Variants in ODAD2 observed in about 807,000 individuals in gnomAD.
ODAD2 encodes outer dynein arm docking complex subunit 2.
A neutral mutation model predicts 106.8 loss-of-function variants in ODAD2; 89 were observed. The observed-to-expected ratio is 0.83, with a 90% CI of 0.70 to 0.99. The LOEUF is 0.99. Ranked by LOEUF, ODAD2 falls within the 50% of genes least tolerant of loss-of-function variation. The probability of loss-of-function intolerance (pLI) is 0.00; values close to 1 mark genes in which losing one functional copy is unlikely to be tolerated. For missense variants in ODAD2, 1,168 were observed against 1,238.5 expected (o/e 0.94, Z 0.85); for synonymous variants, 404 against 436.2 (o/e 0.93, Z 0.92).
chr10:27,817,342 A>G (rs1405274485), intron 19 of ODAD2, among the ~76,000 whole-genome samples: 2 of 152,220 alleles, frequency 1.3e-5, no homozygotes, highest in Admixed American at 6.5e-5. Flanking sequence ...GACAGTTAAA[A>G]TTCTTTTCAA....
At position 27,818,489 on chromosome 10, in the gene ODAD2, T is replaced by C. The variant is rs533212662; in HGVS notation, c.3022-5864A>G. On this transcript the variant is annotated intron_variant, in intron 19 of 19. Transcript: ENST00000305242. Reference sequence around the variant, plus strand: ...TAGACAATAATTATTACTTTATGAATTTTGTTATTACAGCCAGGTCATCAC... The same window carrying C: ...TAGACAATAATTATTACTTTATGAACTTTGTTATTACAGCCAGGTCATCAC... Among the ~76,000 whole-genome samples the C allele has an allele frequency of 1.1e-3, 162 of 152,260 alleles. 2 individuals carry two copies. The highest frequency in any genetic ancestry group is 3.7e-3 in the African/African-American group (152 of 41,558).
At chr10:27,940,904 T>C in intron 12 of ODAD2, 99 bp from the exon 13 acceptor site, 1 of 1,266,688 alleles carries the variant, frequency 7.9e-7, no homozygotes, top group Non-Finnish European at 1.1e-6. Flanking sequence ...CTCACCTCCG[T>C]CAAAAACAAG....
Position 27,922,732 on chromosome 10 carries a change from C to T in ODAD2, c.2495+12278G>A, listed in dbSNP as rs1191610411. On this transcript the variant is annotated intron_variant, in intron 16 of 19. Transcript: ENST00000305242. ...ACCAGCCTGGTCAAAATGTTGAAAC[C>T]CTGTCTCTACTAAAAATACAAAAAT... 2.0e-5 allele frequency among the ~76,000 whole-genome samples: 3 copies of T among 151,822 alleles called. No homozygotes were observed. In the East Asian group the frequency reaches 5.8e-4, roughly 29 times the overall value.
At chr10:27,946,687 T>A (rs1197005598) in intron 10 of ODAD2, among the ~76,000 whole-genome samples, 1 of 152,212 alleles carries the variant, frequency 6.6e-6, no homozygotes, top group African/African-American at 2.4e-5. Context: ...TCATACCATG[T>A]CTTATATATA....
At chr10:27,818,147 G>A (rs142642181) in intron 19 of ODAD2, among the ~76,000 whole-genome samples, 11 of 151,514 alleles carry the variant, frequency 7.3e-5, no homozygotes, top group African/African-American at 1.5e-4. Context: ...ATATTCATAT[G>A]TCTCTATGCC....
chr10:27,883,721 A>G (rs978688032), intron 17 of ODAD2, among the ~76,000 whole-genome samples: 14 of 152,208 alleles, frequency 9.2e-5, no homozygotes, highest in African/African-American at 3.4e-4. Context: ...TGTGTTAAAA[A>G]TTAAATAGAA....
chr10:27,935,092 G>A lies in ODAD2; in HGVS notation c.2413C>T (p.Leu805Phe). ...KCGGIQPLVN[L>F]LVGINQALLV... is the part of the protein sequence containing the mutation. ...AGAGCTTGGTTTATTCCAACAAGGA[G>A]GTTCACAAGTGGTTGAATGCCACCA... The change falls in exon 16 of 20, where the codon CTC becomes TTC. Residue 805 changes from leucine to phenylalanine, a missense_variant. Leu to Phe is a conservative substitution (Grantham distance 22). Coordinates refer to ENST00000305242, the MANE Select transcript of ODAD2 (RefSeq NM_018076.5). 2 of 1,613,960 alleles carry A rather than the reference G, an allele frequency of 1.2e-6. No homozygotes were observed. The highest frequency in any genetic ancestry group is 1.7e-6 in the Non-Finnish European group (2 of 1,179,898).
Position 27,970,499 on chromosome 10 carries a change from T to C in ODAD2, c.1142+609A>G, listed in dbSNP as rs1848774110. On this transcript the variant is annotated intron_variant, in intron 8 of 19. Transcript: ENST00000305242. ...TATCATCTTTTCTGCATATTACTTG[T>C]CCTGACTCACCAACTATATAAAAGT... is the stretch of plus-strand genomic sequence containing the variant. Among the ~76,000 whole-genome samples, 3 of 152,310 alleles carry C rather than the reference T, an allele frequency of 2.0e-5. No homozygotes were observed. In the South Asian group the frequency reaches 6.2e-4, roughly 32 times the overall value.
intron 19 of ODAD2, among the ~76,000 whole-genome samples, chr10:27,820,319 T>G (rs1311903568): frequency 6.6e-6 from 1 of 151,932 alleles, no homozygotes. Context: ...ACCTGGTCAT[T>G]GTTCTGCAGT....
intron 16 of ODAD2, among the ~76,000 whole-genome samples, chr10:27,926,599 G>A (rs879556940): frequency 5.9e-5 from 9 of 152,106 alleles, no homozygotes; most frequent in African/African-American, 9.7e-5. Flanking sequence ...TGAGTAAAGG[G>A]CATGGGAATT....
intron 16 of ODAD2, 131 bp downstream of exon 16, chr10:27,934,879 T>C: frequency 8.4e-7 from 1 of 1,190,712 alleles, no homozygotes; most frequent in Non-Finnish European, 1.2e-6. Flanking sequence ...AAACTTGTGA[T>C]TATTTATATG....
chr10:27,932,093 TC>T (rs1031257218), intron 16 of ODAD2, among the ~76,000 whole-genome samples: 2 of 151,912 alleles, frequency 1.3e-5, no homozygotes, highest in Non-Finnish European at 2.9e-5. Flanking sequence ...CACCCTCACA[TC>T]CTTTAATTCT....
At chr10:27,941,506 A>AAG (rs386371024) in intron 12 of ODAD2, among the ~76,000 whole-genome samples, 3 of 151,388 alleles carry the variant, frequency 2.0e-5, no homozygotes, top group African/African-American at 7.3e-5. Flanking sequence ...AAAAGAAAAA[A>AAG]AAAAAACCAT....
intron 18 of ODAD2, among the ~76,000 whole-genome samples, chr10:27,862,078 A>AT (rs1840086064): frequency 1.3e-5 from 2 of 152,220 alleles, no homozygotes; most frequent in African/African-American, 4.8e-5. Flanking sequence ...GGCACATTTG[A>AT]TTTCTAACGT....
intron 16 of ODAD2, among the ~76,000 whole-genome samples, chr10:27,915,228 C>T (rs914126768): frequency 4.6e-5 from 7 of 152,078 alleles, no homozygotes; most frequent in African/African-American, 4.8e-5. Flanking sequence ...AAAATGCATA[C>T]GTCTTAGTCC....
chr10:27,987,908 T>A (rs985302039), intron 2 of ODAD2, among the ~76,000 whole-genome samples: 1 of 151,786 alleles, frequency 6.6e-6, no homozygotes, highest in African/African-American at 2.4e-5. Context: ...CCTTCATGCT[T>A]TGGGGAGTTC....
At chr10:27,952,927 T>A (rs879595819) in intron 10 of ODAD2, among the ~76,000 whole-genome samples, 5 of 152,174 alleles carry the variant, frequency 3.3e-5, no homozygotes, top group African/African-American at 9.7e-5. Context: ...AAATTGAAAA[T>A]TTTTTAATGC....
rs1286130194 is a variant in ODAD2, at chr10:27,983,842, C to T, written c.819+1G>A. On this transcript the variant is annotated splice_donor_variant, in intron 6 of 19. Transcript: ENST00000305242. LOFTEE classifies it high-confidence loss of function. ...AGTTACGTTTTTAAAAATTTACTTACACCATTTAAAAATACTCCTCCTGCA... is the reference window on the plus strand; with the variant it reads ...AGTTACGTTTTTAAAAATTTACTTATACCATTTAAAAATACTCCTCCTGCA... 6 of 1,613,078 alleles carry T rather than the reference C, an allele frequency of 3.7e-6. No homozygotes were observed. Among genetic ancestry groups the T allele is most frequent in the South Asian group, 1.1e-5 (1 of 90,888 alleles).
intron 17 of ODAD2, among the ~76,000 whole-genome samples, chr10:27,882,486 A>G (rs1841812437): frequency 6.6e-6 from 1 of 152,202 alleles, no homozygotes; most frequent in Non-Finnish European, 1.5e-5. Flanking sequence ...AGTGACCTCC[A>G]AAAATCTTAT....
Sources: allele counts gnomAD v4.1 joint callset (sites outside exome capture counted in the v4.1 genomes callset), GRCh38; gene constraint gnomAD v4.1.1; transcripts MANE v1.5; gene names NCBI Gene and HGNC (gene_info 2026-07-23, HGNC 2026-07-21).